LAMA2: variants seen among roughly 807,000 people sequenced by gnomAD.
LAMA2 encodes the protein laminin subunit alpha 2.
Under a neutral mutation model 364.8 loss-of-function variants are expected in LAMA2, and 269 were observed. The ratio of observed to expected loss-of-function variants is 0.74; its 90% CI spans 0.67 to 0.82. The LOEUF (loss-of-function observed/expected upper bound fraction) is 0.82, where lower values mean the gene tolerates loss of function less well. Ranked by LOEUF, LAMA2 falls within the 40% of genes least tolerant of loss-of-function variation. The probability of loss-of-function intolerance (pLI) is 0.00; values close to 1 mark genes in which losing one functional copy is unlikely to be tolerated. For missense variants in LAMA2, 3,807 were observed against 3,873.2 expected (o/e 0.98, Z 0.45); for synonymous variants, 1,379 against 1,370.6 (o/e 1.01, Z -0.14).
intron 4 of LAMA2, among the ~76,000 whole-genome samples, chr6:129,102,383 C>T (rs1775568542): frequency 6.6e-6 from 1 of 152,002 alleles, no homozygotes; most frequent in Admixed American, 6.5e-5. Flanking sequence ...GATCTGCCCA[C>T]CTTGGCCTCC....
intron 37 of LAMA2, among the ~76,000 whole-genome samples, chr6:129,394,059 T>C (rs1280854014): frequency 1.3e-5 from 2 of 152,208 alleles, no homozygotes. Flanking sequence ...TTCTTTTTTT[T>C]CCAATTTCTT....
rs1786063634 is a variant in LAMA2, at chr6:129,250,096, A to G, written c.1783-16A>G. 5 of 1,431,068 alleles carry G rather than the reference A, an allele frequency of 3.5e-6. No individual in the cohort carries two copies. The South Asian group carries it at 5.7e-5, about 16-fold the overall frequency. The allele number at this position is 1,431,068 out of a possible 1,614,324, so 88.6% of individuals were successfully genotyped here. On this transcript the variant is annotated splice_polypyrimidine_tract_variant and intron_variant, in intron 12 of 64. Coordinates refer to ENST00000421865, the MANE Select transcript of LAMA2 (RefSeq NM_000426.4). ...ATCTCCTATCCCGTAATGATTATGCATCTTCTGTCTTGTAGCTCCCAGCAG... is the reference window on the plus strand; with the variant it reads ...ATCTCCTATCCCGTAATGATTATGCGTCTTCTGTCTTGTAGCTCCCAGCAG...
chr6:129,429,889 AT>A (rs894384638), intron 41 of LAMA2, among the ~76,000 whole-genome samples: 2 of 152,062 alleles, frequency 1.3e-5, no homozygotes, highest in South Asian at 2.1e-4. Context: ...ATTTTCAGCC[AT>A]TTTTTTTCCA....
chr6:129,416,953 C>G (rs1450984245), intron 40 of LAMA2, among the ~76,000 whole-genome samples: 2 of 152,170 alleles, frequency 1.3e-5, no homozygotes, highest in African/African-American at 4.8e-5. Context: ...ACCACTGGTA[C>G]CAGGGAATGC....
chr6:129,378,759 T>C (rs1250838972), intron 34 of LAMA2, among the ~76,000 whole-genome samples: 1 of 152,198 alleles, frequency 6.6e-6, no homozygotes, highest in Non-Finnish European at 1.5e-5. Context: ...TCCAATTCCC[T>C]GTACATGTAA....
At chr6:128,967,289 A>G (rs1781903492) in intron 1 of LAMA2, among the ~76,000 whole-genome samples, 1 of 152,250 alleles carries the variant, frequency 6.6e-6, no homozygotes, top group South Asian at 2.1e-4. Flanking sequence ...AAAGAGAAAT[A>G]TAAATGAAAT....
At chr6:128,926,252 A>C (rs897697574) in intron 1 of LAMA2, among the ~76,000 whole-genome samples, 1 of 151,218 alleles carries the variant, frequency 6.6e-6, no homozygotes, top group African/African-American at 2.4e-5. Context: ...TCTGTTCTTG[A>C]CTTCTTTTAA....
At chr6:129,202,909 A>C (rs1782395493) in intron 12 of LAMA2, among the ~76,000 whole-genome samples, 1 of 152,220 alleles carries the variant, frequency 6.6e-6, no homozygotes, top group South Asian at 2.1e-4. Context: ...TTACTCCTAC[A>C]AATAGAAATT....
intron 1 of LAMA2, among the ~76,000 whole-genome samples, chr6:129,040,245 A>G (rs1262521644): frequency 6.6e-6 from 1 of 152,236 alleles, no homozygotes; most frequent in Non-Finnish European, 1.5e-5. Flanking sequence ...TTAGGTACCA[A>G]TATTTTTGTG....
intron 10 of LAMA2, among the ~76,000 whole-genome samples, chr6:129,178,979 G>A (rs1159710226): frequency 2.6e-5 from 4 of 152,248 alleles, no homozygotes; most frequent in Admixed American, 1.3e-4. Context: ...GACACAGTAA[G>A]CAGAAAAGTC....
chr6:129,252,909 C>A (rs938824065), intron 14 of LAMA2, among the ~76,000 whole-genome samples: 1 of 152,108 alleles, frequency 6.6e-6, no homozygotes, highest in Non-Finnish European at 1.5e-5. Flanking sequence ...CCTTGAGGAA[C>A]GTTTCTTTTC....
intron 39 of LAMA2, 78 bp downstream of exon 39, chr6:129,402,565 A>ATCAT (rs1407972726): frequency 2.9e-6 from 4 of 1,372,810 alleles, no homozygotes; most frequent in African/African-American, 2.9e-5. Context: ...ATAGTAGAGA[A>ATCAT]TCATTTTCAA....
At chr6:129,301,381 A>G (rs1175398720) in intron 22 of LAMA2, among the ~76,000 whole-genome samples, 1 of 152,182 alleles carries the variant, frequency 6.6e-6, no homozygotes, top group Non-Finnish European at 1.5e-5. Flanking sequence ...AGAGAGATCT[A>G]TCTAGCATCA....
intron 36 of LAMA2, 129 bp downstream of exon 36, chr6:129,391,782 T>C (rs1339831467): frequency 1.4e-6 from 1 of 732,348 alleles, no homozygotes; most frequent in African/African-American, 1.8e-5. Flanking sequence ...ATATTTGCTA[T>C]GTTATCTATC....
chr6:129,388,793 C>A (rs1392094086), intron 35 of LAMA2, among the ~76,000 whole-genome samples: 3 of 152,056 alleles, frequency 2.0e-5, no homozygotes, highest in African/African-American at 7.2e-5. Context: ...AAAGTGAGTA[C>A]AAATTATATC....
chr6:129,076,445 ATATAT>A (rs1218865469), intron 3 of LAMA2, among the ~76,000 whole-genome samples: 6 of 143,422 alleles, frequency 4.2e-5, no homozygotes, highest in South Asian at 2.1e-4. Context: ...AATATATATA[ATATAT>A]TATATATAAT....
At chr6:128,957,618 A>G (rs1582767257) in intron 1 of LAMA2, among the ~76,000 whole-genome samples, 2 of 152,098 alleles carry the variant, frequency 1.3e-5, no homozygotes, top group African/African-American at 2.4e-5. Flanking sequence ...GGAAGGGGAG[A>G]AACAGATGTA....
At chr6:129,343,020 C>G (rs558048784) in intron 30 of LAMA2, among the ~76,000 whole-genome samples, 1 of 152,042 alleles carries the variant, frequency 6.6e-6, no homozygotes, top group African/African-American at 2.4e-5. Flanking sequence ...AGCTTGGTAC[C>G]ATGGAAACAC....
In LAMA2 at chr6:129,098,189, A is replaced by T; in HGVS notation, c.413A>T (p.Tyr138Phe). 1 of 1,614,086 alleles carries T rather than the reference A, an allele frequency of 6.2e-7. No individual in the cohort carries two copies. The highest frequency in any genetic ancestry group is 8.5e-7 in the Non-Finnish European group (1 of 1,179,962). Reference protein sequence around the residue: ...LDLQQVFQIAYVIVKAANSPR... With the variant: ...LDLQQVFQIAFVIVKAANSPR... The stretch of plus-strand genomic sequence containing the variant: ...CTTCCCTAGGTGTTCCAGATCGCGT[A>T]TGTGATTGTGAAGGCAGCTAACTCC... The change falls in exon 4 of 65, where the codon TAT becomes TTT. Residue 138 changes from tyrosine (Y) to phenylalanine (F), a missense_variant. Transcript: ENST00000421865.
Sources: allele counts gnomAD v4.1 joint callset (sites outside exome capture counted in the v4.1 genomes callset), GRCh38; gene constraint gnomAD v4.1.1; transcripts MANE v1.5; gene names NCBI Gene and HGNC (gene_info 2026-07-23, HGNC 2026-07-21).